MUSK: variants seen among roughly 807,000 people sequenced by gnomAD.
The protein encoded by MUSK is muscle, skeletal receptor tyrosine-protein kinase.
Under a neutral mutation model 88.7 loss-of-function variants are expected in MUSK, and 55 were observed. The ratio of observed to expected loss-of-function variants is 0.62; its 90% CI spans 0.50 to 0.78. MUSK has a LOEUF of 0.78. Ranked by LOEUF, MUSK falls within the 30% of genes least tolerant of loss-of-function variation. MUSK has a pLI of 0.00. For synonymous variants in MUSK, 387 were observed against 391.9 expected, an observed-to-expected ratio of 0.99 and a Z score of 0.15; for missense variants, 1,015 against 1,074.3, an observed-to-expected ratio of 0.94 and a Z score of 0.77.
In MUSK at chr9:110,803,002, G is replaced by A. The variant is rs915764472; in HGVS notation, c.*2014G>A. On this transcript the variant is annotated 3_prime_UTR_variant, in exon 15 of 15. Coordinates refer to ENST00000374448, the MANE Select transcript of MUSK (RefSeq NM_005592.4). ...ATGCCAACAAAGCAGAAAAGTTGGAGAGGGCCACCAGCAAGTCTAGAACTT... is the reference window on the plus strand; with the variant it reads ...ATGCCAACAAAGCAGAAAAGTTGGAAAGGGCCACCAGCAAGTCTAGAACTT... 1.3e-5 allele frequency among the ~76,000 whole-genome samples: 2 copies of A among 152,358 alleles called. No homozygotes were observed. The highest frequency in any genetic ancestry group is 4.8e-5 in the African/African-American group (2 of 41,592).
chr9:110,801,139 C>A lies in MUSK; in HGVS notation c.*151C>A. The A allele has an allele frequency of 1.6e-6, 1 of 631,998 alleles. No homozygotes were observed. The highest frequency in any genetic ancestry group is 2.5e-6 in the Non-Finnish European group (1 of 405,884). 39.1% of individuals were successfully genotyped at this position (631,998 alleles called of 1,614,324 possible). On this transcript the variant is annotated 3_prime_UTR_variant, in exon 15 of 15. Coordinates refer to ENST00000374448, the MANE Select transcript of MUSK (RefSeq NM_005592.4). The stretch of plus-strand genomic sequence containing the variant: ...GTTTGCTTCCCAGGGAGAGCAAAGA[C>A]AGTGCAAAACCCATGTGGTAGACGG...
intron 8 of MUSK, among the ~76,000 whole-genome samples, chr9:110,765,424 G>A (rs1218130100): frequency 1.3e-5 from 2 of 152,156 alleles, no homozygotes; most frequent in Non-Finnish European, 2.9e-5. Flanking sequence ...AAGCTGGTTA[G>A]GGATTAATTC....
chr9:110,781,189 A>G (rs1318813252), intron 11 of MUSK, among the ~76,000 whole-genome samples: 1 of 151,424 alleles, frequency 6.6e-6, no homozygotes, highest in Admixed American at 6.6e-5. Context: ...ATAGAATACT[A>G]TCTCTCTACC....
intron 5 of MUSK, 68 bp from the exon 6 acceptor site, chr9:110,734,183 C>T (rs2076999456): frequency 6.5e-7 from 1 of 1,530,694 alleles, no homozygotes; most frequent in Non-Finnish European, 8.8e-7. Context: ...ATTTGCATTT[C>T]TAAAAGACCA....
At chr9:110,722,069 C>T (rs1012997560) in intron 5 of MUSK, among the ~76,000 whole-genome samples, 2 of 152,086 alleles carry the variant, frequency 1.3e-5, no homozygotes, top group African/African-American at 4.8e-5. Flanking sequence ...ATCCTCACCT[C>T]TCACCTTTTA....
At chr9:110,711,609 A>G (rs190606535) in intron 5 of MUSK, among the ~76,000 whole-genome samples, 152 of 152,334 alleles carry the variant, frequency 1.0e-3, no homozygotes, top group African/African-American at 3.4e-3. Flanking sequence ...CAGCAAATTA[A>G]TAGAAGCTTG....
Position 110,776,667 on chromosome 9 carries a change from T to C in MUSK, c.1384+12T>C, listed in dbSNP as rs761556595. On this transcript the variant is annotated intron_variant, in intron 11 of 14. Coordinates refer to ENST00000374448, the MANE Select transcript of MUSK (RefSeq NM_005592.4). ...AGAAAACCTAAAAAGTAAGTAATTG[T>C]GTTTGTGCCCTTGAAACCTTATGTG... 2 of 1,588,696 alleles carry C rather than the reference T, an allele frequency of 1.3e-6. 1 individual carries two copies. The highest frequency in any genetic ancestry group is 1.7e-6 in the Non-Finnish European group (2 of 1,162,266).
At position 110,715,142 on chromosome 9, in the gene MUSK, C is replaced by A. The variant is rs570651410; in HGVS notation, c.628+17676C>A. ...CCTTTGAAGTCCGCTAAAGGAACAGCTTTCATGACTCAGAAAGATATCCTA... is the reference window on the plus strand; with the variant it reads ...CCTTTGAAGTCCGCTAAAGGAACAGATTTCATGACTCAGAAAGATATCCTA... On this transcript the variant is annotated intron_variant, in intron 5 of 14. Transcript: ENST00000374448. Among the ~76,000 whole-genome samples the A allele has an allele frequency of 8.0e-5, 12 of 149,936 alleles. 2 individuals are homozygous for A. The South Asian group carries it at 2.5e-3, about 31-fold the overall frequency.
rs374722867 is a variant in MUSK at position 110,784,942 on chromosome 9, T to C, written c.1512T>C (p.Phe504=). 11 of 1,613,806 alleles carry C rather than the reference T, an allele frequency of 6.8e-6. No individual in the cohort carries two copies. The highest frequency in any genetic ancestry group is 5.0e-5 in the Admixed American group (3 of 60,006). ...TAATAATCTCCATCATGTCCAGCTTTGCAATATTTGTGCTTCTTACCATAA... is the reference window on the plus strand; with the variant it reads ...TAATAATCTCCATCATGTCCAGCTTCGCAATATTTGTGCTTCTTACCATAA... The part of the protein sequence containing the change: ...MTVIISIMSS[F]AIFVLLTITT... Residue 504 remains phenylalanine (F), a synonymous_variant, in exon 12 of 15, where the codon TTT becomes TTC. Coordinates refer to ENST00000374448, the MANE Select transcript of MUSK (RefSeq NM_005592.4).
chr9:110,775,660 A>G, intron 9 of MUSK, 128 bp from the exon 10 acceptor site: 2 of 833,320 alleles, frequency 2.4e-6, no homozygotes, highest in Non-Finnish European at 2.0e-6. Flanking sequence ...AGTTTCTTTC[A>G]TAAACGCGCT....
chr9:110,725,649 A>G (rs2131816561), intron 5 of MUSK, among the ~76,000 whole-genome samples: 1 of 152,156 alleles, frequency 6.6e-6, no homozygotes, highest in Non-Finnish European at 1.5e-5. Flanking sequence ...CTTGTTTAAC[A>G]ATAAATGTGT....
rs1564268568 is a variant in MUSK, at chr9:110,755,939, T to TATATATAC, written c.914-6256_914-6255insCATATATA. ...CCAGTGCCATATATATATACATATATATATATATATACACATATATATATA... is the reference window on the plus strand; with the variant it reads ...CCAGTGCCATATATATATACATATATATATATACATATATATATACACATATATATATA... On this transcript the variant is annotated intron_variant, in intron 7 of 14. Transcript: ENST00000374448. Among the ~76,000 whole-genome samples the TATATATAC allele has an allele frequency of 4.5e-3, 321 of 71,116 alleles. 19 individuals carry two copies. Among genetic ancestry groups the TATATATAC allele is most frequent in the African/African-American group, 6.5e-3 (111 of 17,204 alleles). The allele number at this position is 71,116 out of a possible 152,430, so 46.7% of individuals were successfully genotyped here.
intron 8 of MUSK, among the ~76,000 whole-genome samples, chr9:110,765,776 G>T (rs1196003308): frequency 6.6e-6 from 1 of 152,024 alleles, no homozygotes; most frequent in African/African-American, 2.4e-5. Flanking sequence ...GTTTCTCGAT[G>T]TCGGCCAGGC....
At chr9:110,753,538 AGAGTG>A in intron 7 of MUSK, among the ~76,000 whole-genome samples, 1 of 152,168 alleles carries the variant, frequency 6.6e-6, no homozygotes, top group East Asian at 1.9e-4. Context: ...CCTTCATCAG[AGAGTG>A]CAGTCCATGG....
intron 1 of MUSK, among the ~76,000 whole-genome samples, chr9:110,681,063 ATATAATATT>A (rs1451563059): frequency 9.8e-5 from 2 of 20,466 alleles, no homozygotes; most frequent in Non-Finnish European, 8.3e-5. Context: ...TATATTATAT[ATATAATATT>A]ATATATATTA....
At chr9:110,765,863 C>T (rs2077474919) in intron 8 of MUSK, among the ~76,000 whole-genome samples, 1 of 152,058 alleles carries the variant, frequency 6.6e-6, no homozygotes, top group Non-Finnish European at 1.5e-5. Flanking sequence ...TGTGAGCCAC[C>T]ACACTCAGCC....
At position 110,775,902 on chromosome 9, in the gene MUSK, A is replaced by G; in HGVS notation, c.1299A>G (p.Glu433=). The G allele has an allele frequency of 6.2e-7, 1 of 1,614,008 alleles. No individual in the cohort carries two copies. Among genetic ancestry groups the G allele is most frequent in the East Asian group, 2.2e-5 (1 of 44,886 alleles). Residue 433 remains glutamate (E), a synonymous_variant, in exon 10 of 15, where the codon GAA becomes GAG. Coordinates refer to ENST00000374448, the MANE Select transcript of MUSK (RefSeq NM_005592.4). ...RSEMHLLSVP[E]CSKLPSMHWD... ...AGATGCATTTGCTGTCCGTGCCAGA[A>G]TGCAGCAAGCTTCCCAGCATGCATT...
intron 3 of MUSK, among the ~76,000 whole-genome samples, chr9:110,690,469 AGT>A (rs2076330147): frequency 6.6e-5 from 7 of 106,514 alleles, no homozygotes; most frequent in Admixed American, 1.3e-4. Context: ...TTTAAATATA[AGT>A]ATATATATAA....
intron 7 of MUSK, among the ~76,000 whole-genome samples, chr9:110,759,155 T>C (rs1250811801): frequency 6.6e-6 from 1 of 152,086 alleles, no homozygotes. Context: ...TGGAAGAGAA[T>C]AGAGAGCTCA....
Sources: gnomAD v4.1 joint callset for allele counts (sites outside exome capture counted in the v4.1 genomes callset) on GRCh38, gnomAD v4.1.1 for gene constraint, MANE v1.5 for transcripts, NCBI Gene and HGNC (gene_info 2026-07-23, HGNC 2026-07-21) for gene names.